ANXA7: variants seen among roughly 807,000 people sequenced by gnomAD.
ANXA7 encodes annexin VII.
A neutral mutation model predicts 64.9 loss-of-function variants in ANXA7; 55 were observed. The observed-to-expected ratio is 0.85, with a 90% CI of 0.68 to 1.06. The LOEUF is 1.06. ANXA7 is among the 50% of genes least tolerant of loss of function. The pLI is 0.00. For synonymous variants in ANXA7, 200 were observed against 192.4 expected, an observed-to-expected ratio of 1.04 and a Z score of -0.33; for missense variants, 548 against 582.1, an observed-to-expected ratio of 0.94 and a Z score of 0.60.
At chr10:73,376,770 T>C (rs1445623569) in intron 12 of ANXA7, among the ~76,000 whole-genome samples, 1 of 151,796 alleles carries the variant, frequency 6.6e-6, no homozygotes, top group Admixed American at 6.6e-5. Flanking sequence ...GTGTCACAGA[T>C]GAATTAAAAA....
At position 73,387,674 on chromosome 10, in the gene ANXA7, G is replaced by C; in HGVS notation, c.633+15C>G. Reference sequence around the variant, plus strand: ...CAGCCACTGCTGGTGCTCATTCCAGGAAAGAAAAACATACCTTGCCATAGG... The same window carrying C: ...CAGCCACTGCTGGTGCTCATTCCAGCAAAGAAAAACATACCTTGCCATAGG... On this transcript the variant is annotated intron_variant, in intron 7 of 12. Transcript: ENST00000372921. The C allele has an allele frequency of 6.2e-7, 1 of 1,602,292 alleles. No homozygotes were observed. The highest frequency in any genetic ancestry group is 8.6e-7 in the Non-Finnish European group (1 of 1,169,298).
At chr10:73,385,946 GCTCATGCCTGTAAT>G (rs1413720803) in intron 7 of ANXA7, among the ~76,000 whole-genome samples, 2 of 152,136 alleles carry the variant, frequency 1.3e-5, no homozygotes, top group Non-Finnish European at 2.9e-5. Flanking sequence ...AGGCGTGGTG[GCTCATGCCTGTAAT>G]CCCAGCACTT....
intron 2 of ANXA7, 81 bp downstream of exon 2, chr10:73,400,722 G>T: frequency 8.7e-7 from 1 of 1,143,038 alleles, no homozygotes; most frequent in South Asian, 1.6e-5. Flanking sequence ...CCCTGCTCAA[G>T]CATATCTGTA....
At chr10:73,411,430 A>G (rs2055836190) in intron 1 of ANXA7, among the ~76,000 whole-genome samples, 1 of 152,106 alleles carries the variant, frequency 6.6e-6, no homozygotes, top group Non-Finnish European at 1.5e-5. Context: ...TGTACTCCAA[A>G]AGCTGTTGAA....
chr10:73,386,991 A>G (rs146715725), intron 7 of ANXA7, among the ~76,000 whole-genome samples: 1 of 152,300 alleles, frequency 6.6e-6, no homozygotes, highest in Non-Finnish European at 1.5e-5. Flanking sequence ...ATTTTAACAT[A>G]GGACACGTTT....
At chr10:73,406,048 T>TG (rs1174607316) in intron 1 of ANXA7, among the ~76,000 whole-genome samples, 1 of 151,878 alleles carries the variant, frequency 6.6e-6, no homozygotes, top group Admixed American at 6.6e-5. Flanking sequence ...TTCCACCTCC[T>TG]GGGTTCAAGC....
chr10:73,403,206 G>A (rs1481845349), intron 1 of ANXA7, among the ~76,000 whole-genome samples: 2 of 152,132 alleles, frequency 1.3e-5, no homozygotes, highest in Non-Finnish European at 2.9e-5. Context: ...CAACAACATA[G>A]GCCAGGCACA....
chr10:73,409,568 A>G (rs1333430358), intron 1 of ANXA7, among the ~76,000 whole-genome samples: 2 of 152,250 alleles, frequency 1.3e-5, no homozygotes, highest in East Asian at 3.8e-4. Context: ...GAAAGAATCA[A>G]TATTGTGAAA....
At chr10:73,384,746 T>C (rs537809920) in intron 7 of ANXA7, among the ~76,000 whole-genome samples, 17 of 151,994 alleles carry the variant, frequency 1.1e-4, no homozygotes, top group Non-Finnish European at 2.4e-4. Context: ...AAAAAAATAA[T>C]GTAAGGTAAC....
intron 4 of ANXA7, 141 bp downstream of exon 4, chr10:73,397,022 TA>T (rs2132682407): frequency 4.1e-6 from 2 of 487,776 alleles, no homozygotes; most frequent in East Asian, 6.4e-5. Flanking sequence ...ATATATTTCA[TA>T]AAACCATTAT....
chr10:73,383,649 C>T lies in ANXA7; in HGVS notation c.675G>A (p.Met225Ile). Residue 225 changes from methionine to isoleucine, a missense_variant, in exon 8 of 13, where the codon ATG becomes ATA. Physicochemically the swap from Met to Ile is conservative, Grantham distance 10. Transcript: ENST00000372921. The stretch of plus-strand genomic sequence containing the variant: ...TGAAGAGGGCCAGGATCAGTTCTTC[C>T]ATATTTCCACTTAACTCTGATTTGA... ...KDLKSELSGN[M>I]EELILALFMP... The T allele has an allele frequency of 1.2e-6, 2 of 1,613,710 alleles. No homozygotes were observed. Among genetic ancestry groups the T allele is most frequent in the Non-Finnish European group, 1.7e-6 (2 of 1,179,700 alleles).
At chr10:73,407,070 A>C (rs2055768801) in intron 1 of ANXA7, among the ~76,000 whole-genome samples, 1 of 152,070 alleles carries the variant, frequency 6.6e-6, no homozygotes, top group Non-Finnish European at 1.5e-5. Flanking sequence ...AGTTGACTAA[A>C]ATAGTGTTTC....
Position 73,375,222 on chromosome 10 carries a change from A to G in ANXA7, c.*873T>C, listed in dbSNP as rs1465828269. On this transcript the variant is annotated 3_prime_UTR_variant, in exon 13 of 13. Coordinates refer to ENST00000372921, the MANE Select transcript of ANXA7 (RefSeq NM_001156.5). ...TCAAAGGGTATAAACTTTCAGTTAT[A>G]AAACGAATAAATGCTAGAGGTTTAA... The G allele has an allele frequency of 6.6e-6, 1 of 152,214 alleles. No homozygotes were observed. Among genetic ancestry groups the G allele is most frequent in the Non-Finnish European group, 1.5e-5 (1 of 68,052 alleles). 9.4% of individuals were successfully genotyped at this position (152,214 alleles called of 1,614,324 possible).
At chr10:73,398,970 T>C (rs2055618837) in intron 2 of ANXA7, among the ~76,000 whole-genome samples, 1 of 152,132 alleles carries the variant, frequency 6.6e-6, no homozygotes, top group African/African-American at 2.4e-5. Flanking sequence ...CCAGACCCCC[T>C]TGCAGTTAGG....
intron 11 of ANXA7, 59 bp from the exon 12 acceptor site, chr10:73,379,082 CA>C: frequency 8.4e-7 from 1 of 1,190,996 alleles, no homozygotes. Flanking sequence ...TGTACCCCTC[CA>C]GCTTCATTTA....
chr10:73,376,352 G>T, intron 12 of ANXA7, 135 bp from the exon 13 acceptor site: 2 of 809,120 alleles, frequency 2.5e-6, no homozygotes, highest in Non-Finnish European at 3.6e-6. Flanking sequence ...ACATTTTATG[G>T]CTGGCACTCA....
chr10:73,388,862 C>T (rs1196947792), intron 5 of ANXA7, among the ~76,000 whole-genome samples: 2 of 152,140 alleles, frequency 1.3e-5, no homozygotes, highest in Non-Finnish European at 2.9e-5. Context: ...TTAGTAATCT[C>T]TCTTAATTTC....
rs5786109 is a variant in ANXA7, at chr10:73,401,263, AAC to A, written c.-1-408_-1-407del. Among the ~76,000 whole-genome samples the A allele has an allele frequency of 3.4e-3, 503 of 147,322 alleles. 2 individuals are homozygous for A. Among genetic ancestry groups the A allele is most frequent in the Non-Finnish European group, 4.3e-3 (286 of 66,428 alleles). ...CATACAGATATACACACACATACACAACACACACACACACACACACACAAGGT... is the reference window on the plus strand; with the variant it reads ...CATACAGATATACACACACATACACAACACACACACACACACACACAAGGT... On this transcript the variant is annotated intron_variant, in intron 1 of 12. Transcript: ENST00000372921.
intron 5 of ANXA7, among the ~76,000 whole-genome samples, chr10:73,394,965 T>G (rs1306830996): frequency 6.6e-6 from 1 of 152,216 alleles, no homozygotes; most frequent in Non-Finnish European, 1.5e-5. Context: ...TCTCTAAAAT[T>G]ATATGCATGC....
Sources: allele counts gnomAD v4.1 joint callset (sites outside exome capture counted in the v4.1 genomes callset), GRCh38; gene constraint gnomAD v4.1.1; transcripts MANE v1.5; gene names NCBI Gene and HGNC (gene_info 2026-07-23, HGNC 2026-07-21).